Variants in HAVCR1 observed in about 807,000 individuals in gnomAD.
HAVCR1 encodes hepatitis A virus cellular receptor 1, also known as T cell immunoglobin domain and mucin domain protein 1.
A neutral mutation model predicts 32.0 loss-of-function variants in HAVCR1; 34 were observed. That is an observed-to-expected ratio of 1.06 (90% CI 0.81 to 1.42). The LOEUF is 1.42. Among genes scored for constraint, HAVCR1 ranks in the 40% most tolerant of loss-of-function variants. The pLI, the probability that HAVCR1 is intolerant of heterozygous loss-of-function variation, is 0.00. For synonymous variants in HAVCR1, 178 were observed against 170.3 expected (o/e 1.05, Z -0.35); for missense variants, 420 against 442.3 (o/e 0.95, Z 0.45).
Position 157,054,336 on chromosome 5 carries a change from C to T in HAVCR1, c.379+865G>A, listed in dbSNP as rs575123037. On this transcript the variant is annotated intron_variant, in intron 3 of 8. Transcript: ENST00000523175. ...CCAACATGGTGAAACCCCATCTCTA[C>T]TAACACAAAATACAAAAACTAGCTG... Among the ~76,000 whole-genome samples, 6 of 151,944 alleles carry T rather than the reference C, an allele frequency of 3.9e-5. 1 individual carries two copies. Among genetic ancestry groups the T allele is most frequent in the East Asian group, 1.9e-4 (1 of 5,170 alleles).
chr5:157,030,830 A>G (rs1754128797), intron 8 of HAVCR1, among the ~76,000 whole-genome samples: 1 of 152,238 alleles, frequency 6.6e-6, no homozygotes, highest in African/African-American at 2.4e-5. Context: ...CAGATGAAAC[A>G]CATGTCCACA....
chr5:157,044,622 A>AG (rs1755222673), intron 5 of HAVCR1, among the ~76,000 whole-genome samples: 1 of 50,254 alleles, frequency 2.0e-5, no homozygotes, highest in Non-Finnish European at 4.4e-5. Flanking sequence ...AAAGAGAAAG[A>AG]AAGAAAGAAA....
chr5:157,057,362 A>AAG (rs140801641), intron 2 of HAVCR1, among the ~76,000 whole-genome samples: 8 of 130,052 alleles, frequency 6.2e-5, no homozygotes, highest in East Asian at 4.1e-4. Flanking sequence ...AGACCTCATG[A>AAG]AGAGAGAGAG....
intron 7 of HAVCR1, among the ~76,000 whole-genome samples, chr5:157,036,853 GT>G (rs1180694999): frequency 6.6e-6 from 1 of 150,564 alleles, no homozygotes. Flanking sequence ...TTTTTTAATG[GT>G]TTTTTTGTTT....
intron 5 of HAVCR1, among the ~76,000 whole-genome samples, chr5:157,048,129 C>T (rs558702181): frequency 6.6e-6 from 1 of 152,290 alleles, no homozygotes; most frequent in South Asian, 2.1e-4. Context: ...ATAGCCCCAT[C>T]TGAGAATGCT....
chr5:157,062,795 A>G (rs1561610324), upstream of HAVCR1, among the ~76,000 whole-genome samples: 1 of 152,144 alleles, frequency 6.6e-6, no homozygotes, highest in East Asian at 1.9e-4. Flanking sequence ...AGATATAAAA[A>G]TTACAGGGTA....
intron 8 of HAVCR1, among the ~76,000 whole-genome samples, chr5:157,031,227 C>T (rs371069713): frequency 3.3e-5 from 5 of 152,172 alleles, no homozygotes; most frequent in African/African-American, 7.2e-5. Flanking sequence ...TAACAAAAGT[C>T]GATGTGTATT....
rs1754050760 is a variant in HAVCR1 at position 157,029,692 on chromosome 5, T to C, written c.*41A>G. 1 of 1,611,790 alleles carries C rather than the reference T, an allele frequency of 6.2e-7. No individual in the cohort carries two copies. Reference sequence around the variant, plus strand: ...ATGTGCTGATGTCTGTTCAGTCTTCTGCACTCATGGGCGTAAACTCTCAAA... The same window carrying C: ...ATGTGCTGATGTCTGTTCAGTCTTCCGCACTCATGGGCGTAAACTCTCAAA... On this transcript the variant is annotated 3_prime_UTR_variant, in exon 9 of 9. Coordinates refer to ENST00000523175, the MANE Select transcript of HAVCR1 (RefSeq NM_001173393.3).
chr5:157,060,829 A>C (rs1756472690), upstream of HAVCR1, among the ~76,000 whole-genome samples: 1 of 152,144 alleles, frequency 6.6e-6, no homozygotes, highest in Non-Finnish European at 1.5e-5. Flanking sequence ...AGTGTCGTGC[A>C]CTACAGCAGC....
intron 5 of HAVCR1, among the ~76,000 whole-genome samples, chr5:157,044,416 G>GAAAA (rs1561589736): frequency 2.5e-5 from 1 of 39,852 alleles, no homozygotes; most frequent in African/African-American, 1.6e-4. Flanking sequence ...AAGGAAGGAA[G>GAAAA]GAAGGAGAAA....
intron 5 of HAVCR1, among the ~76,000 whole-genome samples, 154 bp from the exon 6 acceptor site, chr5:157,042,836 T>G (rs145566317): frequency 1.4e-3 from 220 of 152,338 alleles, no homozygotes; most frequent in African/African-American, 4.9e-3. Context: ...ACCAAGTTAT[T>G]AATGTTATAT....
At chr5:157,034,990 G>A (rs1217205892) in intron 7 of HAVCR1, among the ~76,000 whole-genome samples, 1 of 151,882 alleles carries the variant, frequency 6.6e-6, no homozygotes, top group Non-Finnish European at 1.5e-5. Flanking sequence ...TTCCCCCACA[G>A]AGCTGAGATC....
chr5:157,057,315 CAA>C (rs1367324098), intron 2 of HAVCR1, among the ~76,000 whole-genome samples: 2 of 116,752 alleles, frequency 1.7e-5, no homozygotes, highest in Admixed American at 8.9e-5. Context: ...GACTCTGTCT[CAA>C]AAAAAAAAAG....
intron 8 of HAVCR1, among the ~76,000 whole-genome samples, chr5:157,032,386 C>T (rs1200935130): frequency 6.6e-6 from 1 of 152,104 alleles, no homozygotes; most frequent in Admixed American, 6.5e-5. Context: ...GGTATGGTGG[C>T]ACATGTCTGT....
chr5:157,056,792 T>C (rs966983868), intron 2 of HAVCR1, among the ~76,000 whole-genome samples: 1 of 152,208 alleles, frequency 6.6e-6, no homozygotes, highest in Admixed American at 6.5e-5. Flanking sequence ...GAGATTATTT[T>C]TCCCCCATAA....
chr5:157,057,448 A>G (rs959962159), intron 2 of HAVCR1, among the ~76,000 whole-genome samples: 1 of 138,798 alleles, frequency 7.2e-6, no homozygotes, highest in African/African-American at 2.6e-5. Context: ...AGAAAGAAAG[A>G]AAGAAAGAAA....
At chr5:157,055,580 T>C in intron 2 of HAVCR1, 47 bp from the exon 3 acceptor site, 10 of 1,231,326 alleles carry the variant, frequency 8.1e-6, no homozygotes, top group Non-Finnish European at 9.2e-6. Context: ...CACTATTTCA[T>C]CTTGGCTGGG....
At chr5:157,056,090 C>A (rs1251269528) in intron 2 of HAVCR1, among the ~76,000 whole-genome samples, 1 of 151,868 alleles carries the variant, frequency 6.6e-6, no homozygotes, top group African/African-American at 2.4e-5. Context: ...GCTGGGATTA[C>A]AGGCACATGC....
At chr5:157,045,079 T>C (rs1375810678) in intron 5 of HAVCR1, among the ~76,000 whole-genome samples, 1 of 152,108 alleles carries the variant, frequency 6.6e-6, no homozygotes, top group Non-Finnish European at 1.5e-5. Context: ...ATAGAGACCA[T>C]GTTTTTCCTA....
Sources: gnomAD v4.1 joint callset for allele counts (sites outside exome capture counted in the v4.1 genomes callset) on GRCh38, gnomAD v4.1.1 for gene constraint, MANE v1.5 for transcripts, NCBI Gene and HGNC (gene_info 2026-07-23, HGNC 2026-07-21) for gene names.